The following PBRM1 variants were observed in gnomAD, a reference collection of about 807,000 sequenced individuals.
The protein encoded by PBRM1 is polybromo 1, also known as protein polybromo-1.
Under a neutral mutation model 194.5 loss-of-function variants are expected in PBRM1, and 27 were observed. The observed-to-expected ratio is 0.14, with a 90% CI of 0.10 to 0.19. The LOEUF is 0.19. PBRM1 is among the 10% of genes least tolerant of loss of function. PBRM1 has a pLI of 1.00. For synonymous variants in PBRM1, 655 were observed against 693.2 expected (o/e 0.94, Z 0.87); for missense variants, 1,466 against 2,077.2 (o/e 0.71, Z 5.72).
chr3:52,567,772 C>G (rs1462652755), intron 22 of PBRM1, among the ~76,000 whole-genome samples: 1 of 149,062 alleles, frequency 6.7e-6, no homozygotes, highest in Non-Finnish European at 1.5e-5. Flanking sequence ...GCTGGGATTA[C>G]AGGCGTGTGC....
exon 17 of PBRM1, chr3:52,603,561 T>G: frequency 6.2e-7 from 1 of 1,603,854 alleles, no homozygotes; most frequent in Non-Finnish European, 8.5e-7. Context: ...CTTCCTCTAT[T>G]TCTTTTGGCA....
chr3:52,549,898 G>A (rs2080468533), intron 29 of PBRM1, among the ~76,000 whole-genome samples: 1 of 146,748 alleles, frequency 6.8e-6, no homozygotes. Flanking sequence ...GAGTGAGACT[G>A]TCTCAAAAAA....
chr3:52,678,697 A>G, intron 1 of PBRM1, 100 bp from the exon 3 acceptor site: 1 of 686,700 alleles, frequency 1.5e-6, no homozygotes, highest in South Asian at 1.9e-5. Flanking sequence ...AGGCAAGTAG[A>G]GAAGAAAAAT....
At chr3:52,562,257 A>ACGGAGCTT (rs1321536383) in intron 24 of PBRM1, among the ~76,000 whole-genome samples, 1 of 150,618 alleles carries the variant, frequency 6.6e-6, no homozygotes, top group Non-Finnish European at 1.5e-5. Flanking sequence ...AACCCGGGAG[A>ACGGAGCTT]CGGAGCTTGC....
At chr3:52,551,336 C>A (rs2080944096) in intron 27 of PBRM1, among the ~76,000 whole-genome samples, 1 of 152,204 alleles carries the variant, frequency 6.6e-6, no homozygotes, top group South Asian at 2.1e-4. Context: ...CCATCAGCAG[C>A]TGGTTCTAAC....
intron 2 of PBRM1, among the ~76,000 whole-genome samples, chr3:52,677,195 A>G (rs777734411): frequency 2.0e-5 from 3 of 152,206 alleles, no homozygotes; most frequent in Non-Finnish European, 4.4e-5. Flanking sequence ...AGAGAAAAAG[A>G]CAACATAAAC....
chr3:52,632,549 G>C (rs2095653714), intron 11 of PBRM1, among the ~76,000 whole-genome samples: 1 of 152,068 alleles, frequency 6.6e-6, no homozygotes, highest in South Asian at 2.1e-4. Flanking sequence ...ACAGAGCAGA[G>C]ACCCTGTCTC....
rs553718762 is a variant in PBRM1, at chr3:52,650,687, T to C, written c.714+1055A>G. Among the ~76,000 whole-genome samples, 3 of 152,310 alleles carry C rather than the reference T, an allele frequency of 2.0e-5. No individual in the cohort carries two copies. The South Asian group carries it at 6.2e-4, about 32-fold the overall frequency. On this transcript the variant is annotated intron_variant, in intron 6 of 29. Coordinates refer to ENST00000296302, the Ensembl canonical transcript of PBRM1. ...GCTGTAGGTTCTATGTGAGATGCTT[T>C]ATCTATATTATCACCAACCTCTATG...
In PBRM1 at chr3:52,562,217, C is replaced by T. The variant is rs573292197; in HGVS notation, c.4087-249G>A. 3.3e-5 allele frequency among the ~76,000 whole-genome samples: 5 copies of T among 151,688 alleles called. No homozygotes were observed. The East Asian group carries it at 5.8e-4, about 18-fold the overall frequency. ...TGGCGGGCGCCTGTAGTCCCAGCTA[C>T]TCAGGAGGCTGAGGCAGGAGAATGG... On this transcript the variant is annotated intron_variant, in intron 24 of 29. Transcript: ENST00000296302.
At chr3:52,553,790 T>C (rs1020164820) in intron 27 of PBRM1, among the ~76,000 whole-genome samples, 1 of 151,586 alleles carries the variant, frequency 6.6e-6, no homozygotes, top group African/African-American at 2.4e-5. Context: ...GCCTCTCGAG[T>C]AGCTGGGACT....
intron 25 of PBRM1, among the ~76,000 whole-genome samples, chr3:52,559,846 T>TAAAA (rs34203062): frequency 1.6e-5 from 2 of 125,144 alleles, no homozygotes; most frequent in Non-Finnish European, 1.6e-5. Context: ...GAGCTAGCAG[T>TAAAA]AAAAAAAAAA....
downstream of PBRM1, chr3:52,546,381 A>ATT (rs548715456): frequency 4.4e-6 from 1 of 229,596 alleles, no homozygotes; most frequent in African/African-American, 2.2e-5. Context: ...ACTGCAATAC[A>ATT]TTTTTTTAAA....
At chr3:52,592,375 A>G (rs2153828616) in intron 17 of PBRM1, among the ~76,000 whole-genome samples, 1 of 152,034 alleles carries the variant, frequency 6.6e-6, no homozygotes, top group African/African-American at 2.4e-5. Context: ...CAGGTGATCC[A>G]CCCACCTTGG....
chr3:52,572,753 G>T (rs1018132514), intron 22 of PBRM1, among the ~76,000 whole-genome samples: 1 of 152,140 alleles, frequency 6.6e-6, no homozygotes, highest in African/African-American at 2.4e-5. Flanking sequence ...AAACAGGATT[G>T]TCTCCTTTGT....
intron 29 of PBRM1, among the ~76,000 whole-genome samples, chr3:52,549,512 A>G (rs1219336950): frequency 6.6e-6 from 1 of 152,146 alleles, no homozygotes; most frequent in African/African-American, 2.4e-5. Flanking sequence ...AAACAAAACA[A>G]AACAAAACAA....
intron 2 of PBRM1, among the ~76,000 whole-genome samples, chr3:52,674,057 A>ATAT (rs935882080): frequency 6.6e-6 from 1 of 150,880 alleles, no homozygotes; most frequent in Non-Finnish European, 1.5e-5. Flanking sequence ...TCTCAAAAAA[A>ATAT]AAATATATAT....
At chr3:52,595,363 C>T (rs1313807147) in intron 17 of PBRM1, among the ~76,000 whole-genome samples, 2 of 152,116 alleles carry the variant, frequency 1.3e-5, no homozygotes, top group Admixed American at 1.3e-4. Flanking sequence ...GTATCAGGCC[C>T]TGGCTTTTGG....
At chr3:52,605,775 G>C (rs949884146) in intron 16 of PBRM1, among the ~76,000 whole-genome samples, 2 of 151,514 alleles carry the variant, frequency 1.3e-5, no homozygotes, top group African/African-American at 2.4e-5. Context: ...GCTAATTTTT[G>C]TACTTTTAGT....
chr3:52,647,745 AT>A (rs1389170743), intron 7 of PBRM1, among the ~76,000 whole-genome samples: 1 of 151,988 alleles, frequency 6.6e-6, no homozygotes, highest in Non-Finnish European at 1.5e-5. Flanking sequence ...CATATCACAT[AT>A]TATACGATTC....
Sources: allele counts gnomAD v4.1 joint callset (sites outside exome capture counted in the v4.1 genomes callset), GRCh38; gene constraint gnomAD v4.1.1; transcripts MANE v1.5; gene names NCBI Gene and HGNC (gene_info 2026-07-23, HGNC 2026-07-21).